Variants in ANKRD24 observed in about 807,000 individuals in gnomAD.
ANKRD24 encodes ankyrin repeat domain-containing protein 24.
ANKRD24 carries 109 observed loss-of-function variants against 127.8 expected under a neutral mutation model. The ratio of observed to expected loss-of-function variants is 0.85; its 90% CI spans 0.73 to 1.00. The LOEUF (loss-of-function observed/expected upper bound fraction) is 1.00. Among genes scored for constraint, ANKRD24 ranks in the 50% least tolerant of loss-of-function variants. The probability of loss-of-function intolerance (pLI) is 0.00; values close to 1 mark genes in which losing one functional copy is unlikely to be tolerated. For synonymous variants in ANKRD24, 743 were observed against 671.1 expected, an observed-to-expected ratio of 1.11 and a Z score of -1.66; for missense variants, 1,648 against 1,570.2, an observed-to-expected ratio of 1.05 and a Z score of -0.84.
At chr19:4,196,352 G>C (rs1423336144) in intron 2 of ANKRD24, among the ~76,000 whole-genome samples, 1 of 151,894 alleles carries the variant, frequency 6.6e-6, no homozygotes, top group Non-Finnish European at 1.5e-5. Flanking sequence ...TGTTGTTGTT[G>C]TTGTTTTAGT....
At position 4,198,171 on chromosome 19, in the gene ANKRD24, C is replaced by T. The variant is rs915355804; in HGVS notation, c.37-1512C>T. ...CCGGCGGCCTGCGCTGGTGAGGGAGCCGGGCCCCCGGCGCCGCGTCCTCCT... is the reference window on the plus strand; with the variant it reads ...CCGGCGGCCTGCGCTGGTGAGGGAGTCGGGCCCCCGGCGCCGCGTCCTCCT... On this transcript the variant is annotated intron_variant, in intron 2 of 21. Transcript: ENST00000318934. The surrounding 1 kb of genome is among the most constrained non-coding windows in gnomAD (Gnocchi z 6.1). 1 of 565,318 alleles carries T rather than the reference C, an allele frequency of 1.8e-6. No individual in the cohort carries two copies. The highest frequency in any genetic ancestry group is 2.1e-5 in the South Asian group (1 of 48,298). The allele number at this position is 565,318 out of a possible 1,614,324, so 35.0% of individuals were successfully genotyped here.
In ANKRD24 at chr19:4,198,287, C is replaced by T. The variant is rs1353998565; in HGVS notation, c.37-1396C>T. ...AGCCCCCTACCTGGGTCTTCCCATT[C>T]CATCCCGTGGGGGAGGGGGCTGGCG... On this transcript the variant is annotated intron_variant, in intron 2 of 21. Coordinates refer to ENST00000318934, the MANE Select transcript of ANKRD24 (RefSeq NM_001393985.1). This position sits in a 1 kb window ranked among gnomAD's most constrained non-coding sequence, Gnocchi z 6.1. 2.3e-6 allele frequency: 1 copy of T among 433,416 alleles called. No homozygotes were observed. Among genetic ancestry groups the T allele is most frequent in the African/African-American group, 2.1e-5 (1 of 48,604 alleles). 26.8% of individuals were successfully genotyped at this position (433,416 alleles called of 1,614,324 possible). A position where few individuals can be genotyped will look rare whatever the true frequency, so the allele number is the denominator to read the frequency against.
At chr19:4,222,898 G>A in intron 20 of ANKRD24, 103 bp downstream of exon 20, 2 of 1,339,922 alleles carry the variant, frequency 1.5e-6, no homozygotes, top group Admixed American at 2.9e-5. Context: ...AGAGGGGCTG[G>A]GGTAGGCAGG....
chr19:4,203,957 CTTTTTT>C (rs34885254), intron 7 of ANKRD24, among the ~76,000 whole-genome samples: 5 of 62,358 alleles, frequency 8.0e-5, no homozygotes, highest in Non-Finnish European at 1.4e-4. Flanking sequence ...GCCCTTCTCC[CTTTTTT>C]TTTTTTTTTT....
At position 4,199,983 on chromosome 19, in the gene ANKRD24, C is replaced by A; in HGVS notation, c.232C>A (p.Leu78Ile). The change falls in exon 4 of 22, where the codon CTA becomes ATA. Residue 78 changes from leucine to isoleucine, a missense_variant. Leu to Ile is a conservative substitution (Grantham distance 5). Transcript: ENST00000318934. This position sits in a 1 kb window ranked among gnomAD's most constrained non-coding sequence, Gnocchi z 5.2. Reference sequence around the variant, plus strand: ...CCGCAAGGGGCTGGTGCCCACGAAGCTAGACCCCGAGGGCAAGTCCGCGTG... The same window carrying A: ...CCGCAAGGGGCTGGTGCCCACGAAGATAGACCCCGAGGGCAAGTCCGCGTG... ...IARKGLVPTK[L>I]DPEGKSAFHL... is the part of the protein sequence containing the mutation. 6.4e-7 allele frequency: 1 copy of A among 1,564,984 alleles called. No individual in the cohort carries two copies. The highest frequency in any genetic ancestry group is 1.4e-5 in the African/African-American group (1 of 73,848).
chr19:4,207,875 G>T lies in ANKRD24; in HGVS notation c.739G>T (p.Gly247Trp). ...GAQPGITDAL[G>W]QDAAHYGALA... ...CCAGCCGGGCATCACCGATGCGCTG[G>T]GGCAGGACGCGGCTCACTATGGCGC... The change falls in exon 10 of 22, where the codon GGG becomes TGG. Residue 247 changes from glycine (G) to tryptophan (W), a missense_variant. Transcript: ENST00000318934. The T allele has an allele frequency of 6.4e-7, 1 of 1,560,172 alleles. No individual in the cohort carries two copies. Among genetic ancestry groups the T allele is most frequent in the Non-Finnish European group, 8.7e-7 (1 of 1,155,168 alleles).
chr19:4,221,927 C>G (rs570375907), intron 19 of ANKRD24, among the ~76,000 whole-genome samples: 1 of 152,298 alleles, frequency 6.6e-6, no homozygotes, highest in East Asian at 1.9e-4. Flanking sequence ...TCGTGACAAC[C>G]ACAGATGTCC....
chr19:4,192,864 G>A (rs969475901), intron 2 of ANKRD24, among the ~76,000 whole-genome samples: 3 of 151,982 alleles, frequency 2.0e-5, no homozygotes, highest in African/African-American at 7.3e-5. Context: ...AGCCCAGGAG[G>A]TCGAGGCTAC....
chr19:4,187,575 T>G (rs187512194), intron 2 of ANKRD24, among the ~76,000 whole-genome samples: 16 of 152,314 alleles, frequency 1.1e-4, no homozygotes, highest in African/African-American at 3.6e-4. Flanking sequence ...AAGACATGCT[T>G]CTTCCTCCAT....
rs1419386510 is a variant in ANKRD24 at position 4,212,627 on chromosome 19, G to A, written c.1126G>A (p.Glu376Lys). Residue 376 changes from glutamate to lysine, a missense_variant, in exon 15 of 22, where the codon GAG (glutamate) becomes AAG (lysine). Coordinates refer to ENST00000318934, the MANE Select transcript of ANKRD24 (RefSeq NM_001393985.1). ...GCAAGAGCTACAGCAGTTGCTGGTG[G>A]AGAGACAAGAGGAGAAGGAGAGCCT... is the stretch of plus-strand genomic sequence containing the variant. ...QVQELQQLLV[E>K]RQEEKESLGR... The A allele has an allele frequency of 6.4e-7, 1 of 1,551,280 alleles. No individual in the cohort carries two copies. Among genetic ancestry groups the A allele is most frequent in the Non-Finnish European group, 8.7e-7 (1 of 1,147,026 alleles).
chr19:4,199,864 G>A lies in ANKRD24; in HGVS notation c.124-11G>A, dbSNP rs529328360. On this transcript the variant is annotated splice_polypyrimidine_tract_variant and intron_variant, in intron 3 of 21. Coordinates refer to ENST00000318934, the MANE Select transcript of ANKRD24 (RefSeq NM_001393985.1). The surrounding 1 kb of genome is among the most constrained non-coding windows in gnomAD (Gnocchi z 5.2). ...AACACTGCCCCACGCACTTCTGGGC[G>A]TGCCCTGCAGAGTCAAGACTGGGGC... The A allele has an allele frequency of 6.3e-5, 98 of 1,564,332 alleles. No individual in the cohort carries two copies. In the Admixed American group the frequency reaches 1.2e-3, roughly 19 times the overall value.
At chr19:4,212,556 G>A in intron 14 of ANKRD24, 43 bp downstream of exon 14, 3 of 1,548,356 alleles carry the variant, frequency 1.9e-6, no homozygotes, top group Non-Finnish European at 2.6e-6. Context: ...CTGCTGCCCA[G>A]CCTTTCCTCC....
chr19:4,216,164 GT>G (rs138190701), intron 16 of ANKRD24, 114 bp downstream of exon 16: 1 of 1,393,046 alleles, frequency 7.2e-7, no homozygotes, highest in Non-Finnish European at 9.9e-7. Context: ...GTACTCATCC[GT>G]TTTTTAAATT....
chr19:4,213,012 T>G (rs1969834362), intron 15 of ANKRD24, among the ~76,000 whole-genome samples: 1 of 152,142 alleles, frequency 6.6e-6, no homozygotes. Flanking sequence ...GCGCCTGTAG[T>G]CCCAGCTACT....
chr19:4,224,552 C>T lies in ANKRD24; in HGVS notation c.*47C>T. 1 of 1,530,146 alleles carries T rather than the reference C, an allele frequency of 6.5e-7. No individual in the cohort carries two copies. Among genetic ancestry groups the T allele is most frequent in the Non-Finnish European group, 8.9e-7 (1 of 1,121,386 alleles). The allele number at this position is 1,530,146 out of a possible 1,614,324, so 94.8% of individuals were successfully genotyped here. A position where few individuals can be genotyped will look rare whatever the true frequency, so the allele number is the denominator to read the frequency against. ...ACACTGACCACACCCACGCAGGGACCTCACCCCCCTGCAGGCCCCTTGCAG... is the reference window on the plus strand; with the variant it reads ...ACACTGACCACACCCACGCAGGGACTTCACCCCCCTGCAGGCCCCTTGCAG... On this transcript the variant is annotated 3_prime_UTR_variant, in exon 22 of 22. Coordinates refer to ENST00000318934, the MANE Select transcript of ANKRD24 (RefSeq NM_001393985.1).
In ANKRD24 at chr19:4,214,327, C is replaced by T. The variant is rs28465106; in HGVS notation, c.1197+1629C>T. Among the ~76,000 whole-genome samples, 527 of 151,970 alleles carry T rather than the reference C, an allele frequency of 3.5e-3. 4 individuals carry two copies. Among genetic ancestry groups the T allele is most frequent in the African/African-American group, 0.012 (505 of 41,342 alleles). On this transcript the variant is annotated intron_variant, in intron 15 of 21. Transcript: ENST00000318934. The stretch of plus-strand genomic sequence containing the variant: ...GGACCACAGGCATGTGCCACCACAC[C>T]TGGCTAATTTTTTTCTTTTTGGAGA...
intron 7 of ANKRD24, 85 bp from the exon 8 acceptor site, chr19:4,207,157 C>G (rs773446138): frequency 1.7e-6 from 2 of 1,160,760 alleles, no homozygotes; most frequent in African/African-American, 3.1e-5. Flanking sequence ...CTCCAGAACT[C>G]AAGCGAACCT....
At chr19:4,200,670 C>T (rs1269423242) in intron 5 of ANKRD24, among the ~76,000 whole-genome samples, 1 of 152,064 alleles carries the variant, frequency 6.6e-6, no homozygotes, top group Non-Finnish European at 1.5e-5. Flanking sequence ...TATAGGCGCA[C>T]ACCACCATGC....
chr19:4,215,616 A>AAAT (rs1970015421), intron 15 of ANKRD24, among the ~76,000 whole-genome samples: 1 of 151,246 alleles, frequency 6.6e-6, no homozygotes, highest in South Asian at 2.1e-4. Context: ...AAAAAAAAAA[A>AAAT]AATTAAAAAT....
Sources: allele counts gnomAD v4.1 joint callset (sites outside exome capture counted in the v4.1 genomes callset), GRCh38; gene constraint gnomAD v4.1.1; non-coding constraint Gnocchi (gnomAD v3.1); transcripts MANE v1.5; gene names NCBI Gene and HGNC (gene_info 2026-07-23, HGNC 2026-07-21).